The following CCSER1 variants were observed in gnomAD, a reference collection of about 807,000 sequenced individuals.
The protein encoded by CCSER1 is coiled-coil serine rich protein 1, also known as serine-rich coiled-coil domain-containing protein 1.
A neutral mutation model predicts 82.0 loss-of-function variants in CCSER1; 41 were observed. The ratio of observed to expected loss-of-function variants is 0.50; its 90% CI spans 0.39 to 0.65. The LOEUF is 0.65. Ranked by LOEUF, CCSER1 falls within the 30% of genes least tolerant of loss-of-function variation. The pLI, the probability that CCSER1 is intolerant of heterozygous loss-of-function variation, is 0.00. For missense variants in CCSER1, 1,119 were observed against 1,064.2 expected (o/e 1.05, Z -0.72); for synonymous variants, 414 against 383.9 (o/e 1.08, Z -0.92).
intron 10 of CCSER1, among the ~76,000 whole-genome samples, chr4:91,382,536 A>G (rs951974964): frequency 6.6e-6 from 1 of 152,134 alleles, no homozygotes; most frequent in African/African-American, 2.4e-5. Flanking sequence ...CTGGTGTGCC[A>G]TTTGCTAAGA....
intron 9 of CCSER1, among the ~76,000 whole-genome samples, chr4:90,929,686 T>C (rs1363588364): frequency 6.6e-6 from 1 of 152,144 alleles, no homozygotes; most frequent in East Asian, 1.9e-4. Flanking sequence ...CTATGAAAGT[T>C]CTTATAATTA....
intron 10 of CCSER1, among the ~76,000 whole-genome samples, chr4:91,485,817 G>A (rs1041134410): frequency 6.6e-6 from 1 of 151,954 alleles, no homozygotes; most frequent in Admixed American, 6.6e-5. Flanking sequence ...GCAAAAAATC[G>A]AAACAACAAT....
rs70965460 is a variant in CCSER1 at position 90,943,729 on chromosome 4, A to ATTTTTTTTTTTTTT, written c.2172+20298_2172+20311dup. Among the ~76,000 whole-genome samples the ATTTTTTTTTTTTTT allele has an allele frequency of 6.3e-3, 431 of 68,874 alleles. 43 individuals carry two copies. The highest frequency in any genetic ancestry group is 0.025 in the East Asian group (49 of 1,926). The allele number at this position is 68,874 out of a possible 152,430, so 45.2% of individuals were successfully genotyped here. A position where few individuals can be genotyped will look rare whatever the true frequency, so the allele number is the denominator to read the frequency against. ...AAACATGAGCCACTGTGCCAGGCTAATTTTTTTTTTTTTTTTTTTTTTTTT... is the reference window on the plus strand; with the variant it reads ...AAACATGAGCCACTGTGCCAGGCTAATTTTTTTTTTTTTTTTTTTTTTTTTTTTTTTTTTTTTTT... On this transcript the variant is annotated intron_variant, in intron 9 of 10. Coordinates refer to ENST00000509176, the MANE Select transcript of CCSER1 (RefSeq NM_001145065.2).
At chr4:90,268,525 C>T (rs551623182) in intron 1 of CCSER1, among the ~76,000 whole-genome samples, 34 of 151,566 alleles carry the variant, frequency 2.2e-4, no homozygotes, top group African/African-American at 7.7e-4. Context: ...ATGGTAATCT[C>T]AAATAAAAAA....
chr4:90,958,742 G>A (rs892638521), intron 9 of CCSER1, among the ~76,000 whole-genome samples: 9 of 152,132 alleles, frequency 5.9e-5, no homozygotes, highest in African/African-American at 1.9e-4. Context: ...TGAAAAGACA[G>A]CCATTTATGA....
At chr4:90,565,596 G>C (rs1779269450) in intron 5 of CCSER1, among the ~76,000 whole-genome samples, 1 of 152,184 alleles carries the variant, frequency 6.6e-6, no homozygotes, top group Admixed American at 6.6e-5. Flanking sequence ...TCTAATGTCA[G>C]TGGAAAAGTC....
chr4:91,380,423 G>T (rs1263318077), intron 10 of CCSER1, among the ~76,000 whole-genome samples: 2 of 152,092 alleles, frequency 1.3e-5, no homozygotes, highest in African/African-American at 4.8e-5. Context: ...TTATGAATAT[G>T]GGTGCTCCTG....
chr4:90,565,193 T>A (rs1779218915), intron 5 of CCSER1, among the ~76,000 whole-genome samples: 1 of 152,002 alleles, frequency 6.6e-6, no homozygotes, highest in Admixed American at 6.6e-5. Flanking sequence ...TCTTCAATTT[T>A]TTTTCATTAA....
chr4:91,348,893 T>A lies in CCSER1; in HGVS notation c.2218-249679T>A, dbSNP rs557435544. On this transcript the variant is annotated intron_variant, in intron 10 of 10. Coordinates refer to ENST00000509176, the MANE Select transcript of CCSER1 (RefSeq NM_001145065.2). ...ACAGATTTTGATTTTGTTGATTTTT[T>A]AAAATTAATTAATTAATTTATTTAT... 4.6e-5 allele frequency among the ~76,000 whole-genome samples: 7 copies of A among 152,190 alleles called. No homozygotes were observed. The East Asian group carries it at 1.4e-3, about 29-fold the overall frequency.
At chr4:90,347,122 A>G (rs1340324471) in intron 3 of CCSER1, among the ~76,000 whole-genome samples, 1 of 152,228 alleles carries the variant, frequency 6.6e-6, no homozygotes, top group African/African-American at 2.4e-5. Flanking sequence ...TAGTTTTTCT[A>G]TATGATTAAG....
At chr4:91,245,947 C>T (rs376495697) in intron 10 of CCSER1, among the ~76,000 whole-genome samples, 110 of 152,274 alleles carry the variant, frequency 7.2e-4, no homozygotes, top group African/African-American at 2.2e-3. Flanking sequence ...CCACCCACCT[C>T]GGCCTCCCAA....
intron 5 of CCSER1, among the ~76,000 whole-genome samples, chr4:90,489,816 C>G (rs923706427): frequency 6.6e-6 from 1 of 152,042 alleles, no homozygotes; most frequent in African/African-American, 2.4e-5. Flanking sequence ...ATGATGGTTT[C>G]CAGCTTCATT....
chr4:91,532,832 T>G (rs1242335918), intron 10 of CCSER1, among the ~76,000 whole-genome samples: 2 of 151,486 alleles, frequency 1.3e-5, no homozygotes, highest in African/African-American at 2.4e-5. Context: ...ATCACACCAC[T>G]GCACTGCAGC....
At chr4:90,772,645 G>A (rs1256576556) in intron 7 of CCSER1, among the ~76,000 whole-genome samples, 7 of 152,112 alleles carry the variant, frequency 4.6e-5, no homozygotes, top group African/African-American at 1.7e-4. Context: ...GAGTTCTGTT[G>A]TAGCAGATAA....
intron 5 of CCSER1, among the ~76,000 whole-genome samples, chr4:90,495,572 A>G (rs1768855123): frequency 6.6e-6 from 1 of 152,186 alleles, no homozygotes; most frequent in Non-Finnish European, 1.5e-5. Context: ...ATATAATACA[A>G]TTAATTACAT....
intron 10 of CCSER1, among the ~76,000 whole-genome samples, chr4:91,308,927 C>G (rs1360293943): frequency 6.6e-6 from 1 of 151,766 alleles, no homozygotes. Flanking sequence ...AAATGGAAAA[C>G]AATTGAAATT....
At chr4:91,000,736 T>C (rs2150475893) in intron 9 of CCSER1, among the ~76,000 whole-genome samples, 1 of 152,306 alleles carries the variant, frequency 6.6e-6, no homozygotes, top group Middle Eastern at 3.4e-3. Context: ...TAGAATGTTA[T>C]CAGTTTATAG....
chr4:90,625,894 T>G (rs1441659596), intron 5 of CCSER1, among the ~76,000 whole-genome samples: 1 of 152,204 alleles, frequency 6.6e-6, no homozygotes, highest in Non-Finnish European at 1.5e-5. Flanking sequence ...TTGTGAATGT[T>G]AAATTATAAT....
At chr4:91,484,954 G>T (rs889316162) in intron 10 of CCSER1, among the ~76,000 whole-genome samples, 4 of 152,070 alleles carry the variant, frequency 2.6e-5, no homozygotes, top group Non-Finnish European at 5.9e-5. Context: ...TTTCTTTAGT[G>T]ATTTTAGAAA....
Sources: gnomAD v4.1 joint callset for allele counts (sites outside exome capture counted in the v4.1 genomes callset) on GRCh38, gnomAD v4.1.1 for gene constraint, MANE v1.5 for transcripts, NCBI Gene and HGNC (gene_info 2026-07-23, HGNC 2026-07-21) for gene names.